Variants in WDR64 observed in about 807,000 individuals in gnomAD.
The protein encoded by WDR64 is WD repeat domain 64, also known as WD repeat-containing protein 64.
WDR64 carries 112 observed loss-of-function variants against 139.3 expected under a neutral mutation model. The observed-to-expected ratio is 0.80, with a 90% CI of 0.69 to 0.94. WDR64 has a LOEUF of 0.94. Among genes scored for constraint, WDR64 ranks in the 40% least tolerant of loss-of-function variants. The pLI, the probability that WDR64 is intolerant of heterozygous loss-of-function variation, is 0.00. For synonymous variants in WDR64, 444 were observed against 437.7 expected (o/e 1.01, Z -0.18); for missense variants, 1,206 against 1,293.1 (o/e 0.93, Z 1.03).
intron 25 of WDR64, 33 bp from the exon 26 acceptor site, chr1:241,795,174 C>T (rs2148332548): frequency 6.2e-7 from 1 of 1,600,432 alleles, no homozygotes; most frequent in African/African-American, 1.3e-5. Context: ...GGATGTGCCC[C>T]TTTCATTAAA....
chr1:241,712,398 A>G lies in WDR64; in HGVS notation c.1054+517A>G, dbSNP rs565856117. The stretch of plus-strand genomic sequence containing the variant: ...AGGGATAGGTTAGGTAGAAAATAAC[A>G]AAAAAGGTTATCTGCTAAGAGGAAG... On this transcript the variant is annotated intron_variant, in intron 9 of 27. Transcript: ENST00000437684. Among the ~76,000 whole-genome samples, 4 of 152,326 alleles carry G rather than the reference A, an allele frequency of 2.6e-5. No individual in the cohort carries two copies. In the East Asian group the frequency reaches 7.7e-4, roughly 29 times the overall value.
chr1:241,795,467 G>A (rs1046958244), intron 26 of WDR64, among the ~76,000 whole-genome samples, 180 bp downstream of exon 26: 3 of 152,140 alleles, frequency 2.0e-5, no homozygotes, highest in Non-Finnish European at 2.9e-5. Context: ...GTCAATGACC[G>A]GGTCCCTTGT....
chr1:241,757,649 G>GTTTTTT (rs35256499), intron 15 of WDR64, among the ~76,000 whole-genome samples, 190 bp downstream of exon 15: 36 of 95,210 alleles, frequency 3.8e-4, no homozygotes, highest in East Asian at 1.1e-3. Context: ...CAATGGATTT[G>GTTTTTT]TTTTTTTTTT....
In WDR64 at chr1:241,702,021, G is replaced by C. The variant is rs146430761; in HGVS notation, c.975-9781G>C. Among the ~76,000 whole-genome samples the C allele has an allele frequency of 2.6e-3, 389 of 152,278 alleles. 3 individuals carry two copies. The highest frequency in any genetic ancestry group is 9.0e-3 in the African/African-American group (373 of 41,564). Reference sequence around the variant, plus strand: ...TCCATTCAGAAGTGATTACCATTCTGTTTGTAATTTTGTATGGTAATTTCA... The same window carrying C: ...TCCATTCAGAAGTGATTACCATTCTCTTTGTAATTTTGTATGGTAATTTCA... On this transcript the variant is annotated intron_variant, in intron 8 of 27. Transcript: ENST00000437684.
In WDR64 at chr1:241,749,523, T is replaced by C. The variant is rs776358398; in HGVS notation, c.1595-24T>C. ...TTTCTCTAAGTCATTTTTACCCACA[T>C]AGTCTTTTTCTCTGTATGCTCAGGA... On this transcript the variant is annotated intron_variant, in intron 13 of 27. Transcript: ENST00000437684. 3.1e-6 allele frequency: 5 copies of C among 1,600,954 alleles called. No individual in the cohort carries two copies. The South Asian group carries it at 4.4e-5, about 14-fold the overall frequency.
intron 25 of WDR64, among the ~76,000 whole-genome samples, chr1:241,794,635 A>G (rs1450157535): frequency 6.7e-6 from 1 of 149,052 alleles, no homozygotes; most frequent in Non-Finnish European, 1.5e-5. Context: ...CAGCCTCCCA[A>G]GTAGCTGGGA....
At chr1:241,746,818 C>T (rs932722400) in intron 13 of WDR64, among the ~76,000 whole-genome samples, 8 of 146,722 alleles carry the variant, frequency 5.5e-5, no homozygotes, top group Non-Finnish European at 7.4e-5. Context: ...AGTGCAGGGG[C>T]GCAGGGTCTC....
At chr1:241,715,117 G>GT (rs1319371260) in intron 9 of WDR64, among the ~76,000 whole-genome samples, 2 of 152,196 alleles carry the variant, frequency 1.3e-5, no homozygotes, top group Non-Finnish European at 2.9e-5. Context: ...AAGGCATATG[G>GT]ATAAGAAGTC....
intron 7 of WDR64, among the ~76,000 whole-genome samples, chr1:241,686,190 A>C (rs1485094022): frequency 6.6e-6 from 1 of 152,188 alleles, no homozygotes; most frequent in Non-Finnish European, 1.5e-5. Context: ...TTCAAACCTC[A>C]CCAGAATGAC....
At chr1:241,753,786 C>T (rs1240904024) in intron 14 of WDR64, among the ~76,000 whole-genome samples, 1 of 151,820 alleles carries the variant, frequency 6.6e-6, no homozygotes, top group Non-Finnish European at 1.5e-5. Flanking sequence ...TATAAGGTAC[C>T]TAAAATAAAC....
chr1:241,774,294 C>T (rs116096198), intron 20 of WDR64, among the ~76,000 whole-genome samples: 5 of 152,138 alleles, frequency 3.3e-5, no homozygotes, highest in Admixed American at 6.5e-5. Context: ...CTAGCTTATT[C>T]GTGAAAACAA....
chr1:241,683,432 T>C, intron 6 of WDR64, 55 bp from the exon 7 acceptor site: 1 of 1,498,306 alleles, frequency 6.7e-7, no homozygotes, highest in South Asian at 1.2e-5. Flanking sequence ...ATAGGGGAAA[T>C]ATTTATTGAA....
intron 24 of WDR64, among the ~76,000 whole-genome samples, chr1:241,789,845 C>T (rs893074504): frequency 2.0e-4 from 30 of 151,796 alleles, no homozygotes; most frequent in African/African-American, 7.0e-4. Context: ...ACAAGTTTAC[C>T]GAAATAACAA....
At chr1:241,772,150 C>T (rs1658478771) in intron 19 of WDR64, among the ~76,000 whole-genome samples, 1 of 148,746 alleles carries the variant, frequency 6.7e-6, no homozygotes. Flanking sequence ...ACTTATACTG[C>T]ATTTATACAC....
intron 22 of WDR64, among the ~76,000 whole-genome samples, chr1:241,781,970 G>A (rs1173383496): frequency 6.6e-6 from 1 of 152,210 alleles, no homozygotes; most frequent in African/African-American, 2.4e-5. Context: ...TGGATGACCA[G>A]ATATTCTTGA....
chr1:241,725,527 C>T (rs7515042), intron 10 of WDR64, among the ~76,000 whole-genome samples: 54 of 152,136 alleles, frequency 3.5e-4, no homozygotes, highest in African/African-American at 1.3e-3. Flanking sequence ...CCTCCATGCT[C>T]ACGGAACTAT....
chr1:241,725,961 C>A (rs1220020821), intron 10 of WDR64, among the ~76,000 whole-genome samples: 1 of 152,158 alleles, frequency 6.6e-6, no homozygotes, highest in African/African-American at 2.4e-5. Context: ...GGGATCCTCC[C>A]ACCTCAGCCT....
chr1:241,672,635 C>T lies in WDR64; in HGVS notation c.379+1459C>T, dbSNP rs376987754. 7.2e-5 allele frequency among the ~76,000 whole-genome samples: 11 copies of T among 152,248 alleles called. No individual in the cohort carries two copies. In the South Asian group the frequency reaches 1.5e-3, roughly 20 times the overall value. On this transcript the variant is annotated intron_variant, in intron 3 of 27. Transcript: ENST00000437684. The stretch of plus-strand genomic sequence containing the variant: ...GCAAAAATTAAACAAGTAAAATATA[C>T]AGTATGTCAGATGGTAATACACACT...
Position 241,703,285 on chromosome 1 carries a change from C to A in WDR64, c.975-8517C>A, listed in dbSNP as rs755377449. Among the ~76,000 whole-genome samples, 30 of 152,080 alleles carry A rather than the reference C, an allele frequency of 2.0e-4. No homozygotes were observed. The highest frequency in any genetic ancestry group is 3.7e-4 in the Non-Finnish European group (25 of 68,008). On this transcript the variant is annotated intron_variant, in intron 8 of 27. Transcript: ENST00000437684. This position sits in a 1 kb window ranked among gnomAD's most constrained non-coding sequence, Gnocchi z 5.9. The stretch of plus-strand genomic sequence containing the variant: ...GCATTGCCTTCCATTCAGTGAACAA[C>A]CCCTATCGTGTAACACATGCCCCCT...
Sources: allele counts gnomAD v4.1 joint callset (sites outside exome capture counted in the v4.1 genomes callset), GRCh38; gene constraint gnomAD v4.1.1; non-coding constraint Gnocchi (gnomAD v3.1); transcripts MANE v1.5; gene names NCBI Gene and HGNC (gene_info 2026-07-23, HGNC 2026-07-21).